EPB41L3: variants seen among roughly 807,000 people sequenced by gnomAD.
The protein encoded by EPB41L3 is band 4.1-like protein 3.
A neutral mutation model predicts 127.1 loss-of-function variants in EPB41L3; 57 were observed. The observed-to-expected ratio is 0.45, with a 90% CI of 0.36 to 0.56. The LOEUF (loss-of-function observed/expected upper bound fraction) is 0.56, where lower values mean the gene tolerates loss of function less well. Among genes scored for constraint, EPB41L3 ranks in the 20% least tolerant of loss-of-function variants. The probability of loss-of-function intolerance (pLI) is 0.00; values close to 1 mark genes in which losing one functional copy is unlikely to be tolerated. For missense variants in EPB41L3, 1,273 were observed against 1,372.2 expected (o/e 0.93, Z 1.14); for synonymous variants, 572 against 549.5 (o/e 1.04, Z -0.57).
At chr18:5,456,151 G>A (rs2083024125) in intron 3 of EPB41L3, among the ~76,000 whole-genome samples, 1 of 152,122 alleles carries the variant, frequency 6.6e-6, no homozygotes, top group South Asian at 2.1e-4. Context: ...TCAATAATAT[G>A]AATTTAATGA....
At chr18:5,441,036 C>A (rs1332746128) in intron 5 of EPB41L3, among the ~76,000 whole-genome samples, 2 of 152,152 alleles carry the variant, frequency 1.3e-5, no homozygotes, top group Non-Finnish European at 2.9e-5. Context: ...AGGCATGTGT[C>A]TCTGCGCTCA....
At chr18:5,548,431 A>C (rs761617789), upstream of EPB41L3, among the ~76,000 whole-genome samples, 6 of 152,234 alleles carry the variant, frequency 3.9e-5, no homozygotes, top group African/African-American at 1.4e-4. Context: ...GTAGCACAAA[A>C]TGTATGAAAA....
At chr18:5,407,852 T>G (rs751052050) in intron 14 of EPB41L3, 116 bp from the exon 15 acceptor site, 20 of 837,372 alleles carry the variant, frequency 2.4e-5, no homozygotes, top group Non-Finnish European at 3.8e-5. Context: ...CTCTTGCATA[T>G]GGATGCCACT....
At chr18:5,454,494 A>ACT (rs1266430859) in intron 3 of EPB41L3, among the ~76,000 whole-genome samples, 1 of 152,166 alleles carries the variant, frequency 6.6e-6, no homozygotes, top group Non-Finnish European at 1.5e-5. Context: ...AAGAGGCAGG[A>ACT]CTTAATGGGA....
chr18:5,446,933 T>C (rs1317901), intron 3 of EPB41L3, among the ~76,000 whole-genome samples: 1 of 152,084 alleles, frequency 6.6e-6, no homozygotes, highest in Admixed American at 6.5e-5. Flanking sequence ...TATTTATAAA[T>C]AACAGCATAT....
At chr18:5,564,668 G>A (rs1568580395) in intron 3 of EPB41L3, among the ~76,000 whole-genome samples, 1 of 151,992 alleles carries the variant, frequency 6.6e-6, no homozygotes, top group Non-Finnish European at 1.5e-5. Context: ...CTACAAAATG[G>A]GTCAGGAAGT....
chr18:5,410,479 C>G, intron 14 of EPB41L3, 87 bp downstream of exon 14: 1 of 915,782 alleles, frequency 1.1e-6, no homozygotes, highest in Non-Finnish European at 1.8e-6. Context: ...ATTACAACAG[C>G]TCATATGTGG....
At chr18:5,419,909 T>A in intron 11 of EPB41L3, 32 bp from the exon 12 acceptor site, 1 of 1,614,062 alleles carries the variant, frequency 6.2e-7, no homozygotes, top group Non-Finnish European at 8.5e-7. Context: ...TCATGTATAT[T>A]TCATGGTTTT....
At chr18:5,629,352 G>T (rs1008924872), upstream of EPB41L3, among the ~76,000 whole-genome samples, 14 of 151,642 alleles carry the variant, frequency 9.2e-5, 1 homozygote, top group South Asian at 2.1e-4. Context: ...GCTCCGCCGG[G>T]CTGGGGGAAC....
At chr18:5,628,362 A>ATTACGAGGGAG (rs2094946520) in intron 1 of EPB41L3, among the ~76,000 whole-genome samples, 1 of 152,182 alleles carries the variant, frequency 6.6e-6, no homozygotes, top group Non-Finnish European at 1.5e-5. Flanking sequence ...TTCAGAGGGA[A>ATTACGAGGGAG]TTACGAGGGA....
At chr18:5,501,996 A>C (rs867428405) in intron 1 of EPB41L3, among the ~76,000 whole-genome samples, 1 of 152,042 alleles carries the variant, frequency 6.6e-6, no homozygotes, top group South Asian at 2.1e-4. Flanking sequence ...CTGTTATGAA[A>C]GCGTTAAGAG....
chr18:5,461,745 C>A (rs1269991328), intron 3 of EPB41L3, among the ~76,000 whole-genome samples: 1 of 152,148 alleles, frequency 6.6e-6, no homozygotes. Flanking sequence ...CAATAGCAAT[C>A]TGACAAGGGA....
intron 1 of EPB41L3, among the ~76,000 whole-genome samples, chr18:5,524,924 G>A (rs533022570): frequency 6.6e-6 from 1 of 152,306 alleles, no homozygotes; most frequent in East Asian, 1.9e-4. Flanking sequence ...GTTCTCCAAA[G>A]CAAGTGGGGG....
intron 3 of EPB41L3, among the ~76,000 whole-genome samples, chr18:5,572,015 T>C (rs1438164432): frequency 6.6e-6 from 1 of 152,226 alleles, no homozygotes; most frequent in Non-Finnish European, 1.5e-5. Context: ...TTGTCCTTGC[T>C]TAGGTTTGTG....
intron 1 of EPB41L3, among the ~76,000 whole-genome samples, chr18:5,628,656 A>G (rs2094951421): frequency 1.3e-5 from 2 of 152,206 alleles, no homozygotes; most frequent in Admixed American, 1.3e-4. Flanking sequence ...GAGCGAGCCC[A>G]GGCGGCGGCT....
At chr18:5,557,528 G>C (rs2094056929) in intron 3 of EPB41L3, among the ~76,000 whole-genome samples, 1 of 152,138 alleles carries the variant, frequency 6.6e-6, no homozygotes, top group Admixed American at 6.5e-5. Flanking sequence ...GGAATTACAG[G>C]CGTGTGCCAC....
intron 3 of EPB41L3, among the ~76,000 whole-genome samples, chr18:5,456,010 G>T (rs1599169234): frequency 6.6e-6 from 1 of 152,032 alleles, no homozygotes; most frequent in East Asian, 1.9e-4. Flanking sequence ...GTGAGAGGAA[G>T]TACTTAACTT....
intron 2 of EPB41L3, among the ~76,000 whole-genome samples, chr18:5,484,563 T>A (rs1339110948): frequency 6.6e-6 from 1 of 150,418 alleles, no homozygotes; most frequent in Non-Finnish European, 1.5e-5. Flanking sequence ...AGTTGGTTTT[T>A]TGAACAGATA....
rs1157621999 is a variant in EPB41L3 at position 5,396,214 on chromosome 18, T to C, written c.2960A>G (p.Tyr987Cys). 4 of 1,614,066 alleles carry C rather than the reference T, an allele frequency of 2.5e-6. No homozygotes were observed. The highest frequency in any genetic ancestry group is 2.5e-6 in the Non-Finnish European group (3 of 1,180,006). Reference protein sequence around the residue: ...VVHTETKTITYESSQVDPGTD... With the variant: ...VVHTETKTITCESSQVDPGTD... ...AGAATATCTCACCTGTGATGATTCATATGTGATGGTTTTGGTTTCGGTGTG... is the reference window on the plus strand; with the variant it reads ...AGAATATCTCACCTGTGATGATTCACATGTGATGGTTTTGGTTTCGGTGTG... The change falls in exon 19 of 23, where the codon TAT (tyrosine) becomes TGT (cysteine). Residue 987 changes from tyrosine (Y) to cysteine (C), a missense_variant. Physicochemically the swap from Tyr to Cys is radical, Grantham distance 194. Around this residue, in one of 3 missense-constraint regions of EPB41L3, gnomAD observed 765 missense variants for 782.9 expected, o/e 0.98. Coordinates refer to ENST00000341928, the MANE Select transcript of EPB41L3 (RefSeq NM_012307.5).
Sources: gnomAD v4.1 joint callset for allele counts (sites outside exome capture counted in the v4.1 genomes callset) on GRCh38, gnomAD v4.1.1 for gene constraint, gnomAD v4.1.1 regional missense constraint, MANE v1.5 for transcripts, NCBI Gene and HGNC (gene_info 2026-07-23, HGNC 2026-07-21) for gene names.